PLEKHA5: variants seen among roughly 807,000 people sequenced by gnomAD.
PLEKHA5 encodes the protein pleckstrin homology domain-containing family A member 5.
PLEKHA5 carries 55 observed loss-of-function variants against 181.9 expected under a neutral mutation model. That is an observed-to-expected ratio of 0.30 (90% confidence interval 0.24 to 0.38). PLEKHA5 has a LOEUF of 0.38. PLEKHA5 is among the 10% of genes least tolerant of loss of function. PLEKHA5 has a pLI of 1.00. For missense variants in PLEKHA5, 1,432 were observed against 1,549.5 expected, an observed-to-expected ratio of 0.92 and a Z score of 1.27; for synonymous variants, 535 against 529.4, an observed-to-expected ratio of 1.01 and a Z score of -0.15.
chr12:19,348,385 G>A lies in PLEKHA5; in HGVS notation c.2899-14G>A, dbSNP rs373721588. On this transcript the variant is annotated splice_polypyrimidine_tract_variant and intron_variant, in intron 24 of 31. Coordinates refer to ENST00000429027, the MANE Select transcript of PLEKHA5 (RefSeq NM_001256470.2). ...TAGCAGTTTTTTAGGGTAATTACAT[G>A]TCTTCCTTTCAAGGGTCCAGATTAT... is the stretch of plus-strand genomic sequence containing the variant. 2.6e-6 allele frequency: 4 copies of A among 1,562,096 alleles called. No individual in the cohort carries two copies. The highest frequency in any genetic ancestry group is 3.5e-6 in the Non-Finnish European group (4 of 1,158,628).
At chr12:19,359,897 C>T (rs889311084) in intron 28 of PLEKHA5, among the ~76,000 whole-genome samples, 2 of 150,984 alleles carry the variant, frequency 1.3e-5, no homozygotes, top group Non-Finnish European at 2.9e-5. Flanking sequence ...ATCTGGGAGG[C>T]GGAGCTTGCA....
chr12:19,222,441 G>C (rs2059100237), intron 3 of PLEKHA5, among the ~76,000 whole-genome samples: 2 of 152,086 alleles, frequency 1.3e-5, no homozygotes, highest in African/African-American at 4.8e-5. Flanking sequence ...ATTACAGAGT[G>C]CACTCACACA....
At chr12:19,172,045 A>C (rs1295439755) in intron 3 of PLEKHA5, among the ~76,000 whole-genome samples, 1 of 152,222 alleles carries the variant, frequency 6.6e-6, no homozygotes, top group Non-Finnish European at 1.5e-5. Flanking sequence ...GCTTCTTTTA[A>C]TAAGTAGAAG....
chr12:19,197,153 C>T (rs182238223), intron 3 of PLEKHA5, among the ~76,000 whole-genome samples: 17 of 152,260 alleles, frequency 1.1e-4, no homozygotes, highest in Admixed American at 9.8e-4. Flanking sequence ...CAGCGTTCAG[C>T]ATCGTTGAGC....
At chr12:19,335,180 C>T (rs1592534074) in intron 20 of PLEKHA5, among the ~76,000 whole-genome samples, 1 of 150,110 alleles carries the variant, frequency 6.7e-6, no homozygotes, top group South Asian at 2.1e-4. Flanking sequence ...CACAGGCAAG[C>T]GCCACCGCAC....
chr12:19,347,091 C>A lies in PLEKHA5; in HGVS notation c.2807C>A (p.Ser936Tyr), dbSNP rs770946410. ...CCCCCTCTGCCCAGTGATAGCAGCT[C>A]CTTGCTCTGTTATAGCAGGGGCCCA... ...IIPPLPSDSS[S>Y]LLCYSRGPVH... The change falls in exon 24 of 32, where the codon TCC (serine) becomes TAC (tyrosine). Residue 936 changes from serine to tyrosine, a missense_variant. By Grantham distance (144) the Ser-to-Tyr change is moderately radical. Around this residue, in one of 2 missense-constraint regions of PLEKHA5, gnomAD observed 1,143 missense variants for 1,168.4 expected, o/e 0.98. Coordinates refer to ENST00000429027, the MANE Select transcript of PLEKHA5 (RefSeq NM_001256470.2). 1.3e-6 allele frequency: 2 copies of A among 1,550,894 alleles called. No homozygotes were observed. Among genetic ancestry groups the A allele is most frequent in the Non-Finnish European group, 1.7e-6 (2 of 1,146,320 alleles).
chr12:19,232,349 G>A (rs748046984), intron 3 of PLEKHA5, among the ~76,000 whole-genome samples: 28 of 152,104 alleles, frequency 1.8e-4, no homozygotes, highest in Non-Finnish European at 4.4e-5. Context: ...CCTGAATAAT[G>A]TAAATTAGTG....
intron 23 of PLEKHA5, among the ~76,000 whole-genome samples, chr12:19,346,751 AG>A (rs2094353185): frequency 1.3e-5 from 2 of 152,214 alleles, no homozygotes; most frequent in Admixed American, 1.3e-4. Flanking sequence ...TTCAATGTTG[AG>A]TTTCAGTGTG....
chr12:19,375,285 C>G (rs1292178525), intron 31 of PLEKHA5, among the ~76,000 whole-genome samples: 1 of 152,058 alleles, frequency 6.6e-6, no homozygotes, highest in Admixed American at 6.6e-5. Context: ...GATCATACCA[C>G]TGCACCCCAG....
At chr12:19,183,700 A>AGAT (rs2049140138) in intron 3 of PLEKHA5, among the ~76,000 whole-genome samples, 3 of 139,002 alleles carry the variant, frequency 2.2e-5, no homozygotes, top group Non-Finnish European at 3.2e-5. Context: ...ACAAGGGAAA[A>AGAT]TTTTTTTATT....
At chr12:19,179,175 A>G (rs949735507) in intron 3 of PLEKHA5, among the ~76,000 whole-genome samples, 3 of 152,218 alleles carry the variant, frequency 2.0e-5, no homozygotes, top group African/African-American at 7.2e-5. Flanking sequence ...TTATATAACA[A>G]TTGTTTAATG....
intron 15 of PLEKHA5, chr12:19,306,656 TG>T: frequency 7.1e-7 from 1 of 1,406,378 alleles, no homozygotes. Flanking sequence ...AATAGGTGAC[TG>T]ATCTCCCCGG....
Position 19,272,564 on chromosome 12 carries a change from C to T in PLEKHA5, c.846-1952C>T, listed in dbSNP as rs540231308. ...GACCAACCTAGGTGACCAGTGAGAC[C>T]CCGTCTCTAAAAAAATTTAAAAATT... On this transcript the variant is annotated intron_variant, in intron 10 of 31. Coordinates refer to ENST00000429027, the MANE Select transcript of PLEKHA5 (RefSeq NM_001256470.2). Among the ~76,000 whole-genome samples the T allele has an allele frequency of 2.0e-5, 3 of 151,960 alleles. 1 individual carries two copies. The highest frequency in any genetic ancestry group is 7.2e-5 in the African/African-American group (3 of 41,448).
Position 19,358,373 on chromosome 12 carries a change from C to T in PLEKHA5, c.3284C>T (p.Ala1095Val). 6.2e-7 allele frequency: 1 copy of T among 1,613,796 alleles called. No individual in the cohort carries two copies. Among genetic ancestry groups the T allele is most frequent in the East Asian group, 2.2e-5 (1 of 44,860 alleles). The change falls in exon 27 of 32, where the codon GCT becomes GTT. Residue 1095 changes from alanine (A) to valine (V), a missense_variant. Ala to Val is a moderately conservative substitution (Grantham distance 64). This residue lies in a region of PLEKHA5 where 1,143 missense variants were observed against 1,168.4 expected (regional missense o/e 0.98). Transcript: ENST00000429027. Reference protein sequence around the residue: ...EKKKGLNVIGASDQSPLQSPS... With the variant: ...EKKKGLNVIGVSDQSPLQSPS... ...AAAAAAGGGTTAAATGTTATCGGTG[C>T]TTCAGACCAGTCACCCTTACAAAGC...
At chr12:19,175,560 G>T (rs1042926805) in intron 3 of PLEKHA5, among the ~76,000 whole-genome samples, 2 of 152,160 alleles carry the variant, frequency 1.3e-5, no homozygotes, top group Admixed American at 6.5e-5. Context: ...AAAAGAAAAT[G>T]TTAGCAATAA....
At chr12:19,229,300 A>G (rs914297531) in intron 3 of PLEKHA5, among the ~76,000 whole-genome samples, 5 of 152,134 alleles carry the variant, frequency 3.3e-5, no homozygotes, top group African/African-American at 1.2e-4. Flanking sequence ...GGTGTCACTG[A>G]CTTCAAGAAT....
intron 3 of PLEKHA5, among the ~76,000 whole-genome samples, chr12:19,244,217 C>G (rs2063211013): frequency 6.6e-6 from 1 of 151,200 alleles, no homozygotes; most frequent in South Asian, 2.1e-4. Context: ...TTGATGAAAT[C>G]TCTTCAATTT....
intron 3 of PLEKHA5, among the ~76,000 whole-genome samples, chr12:19,218,965 T>G (rs1195720171): frequency 1.3e-5 from 2 of 150,860 alleles, no homozygotes; most frequent in African/African-American, 2.4e-5. Context: ...TATTATACTC[T>G]AAGTTTTAGG....
chr12:19,168,675 C>T lies in PLEKHA5; in HGVS notation c.227+36225C>T, dbSNP rs74875560. ...TGTGCACATTCTGATTTTCATAATG[C>T]TTTACTACAAATAATAACAGCAATA... is the stretch of plus-strand genomic sequence containing the variant. On this transcript the variant is annotated intron_variant, in intron 3 of 31. Transcript: ENST00000429027. Among the ~76,000 whole-genome samples, 269 of 152,202 alleles carry T rather than the reference C, an allele frequency of 1.8e-3. 4 individuals are homozygous for T. The East Asian group carries it at 0.028, about 16-fold the overall frequency.
Sources: allele counts gnomAD v4.1 joint callset (sites outside exome capture counted in the v4.1 genomes callset), GRCh38; gene constraint gnomAD v4.1.1; regional missense constraint gnomAD v4.1.1; transcripts MANE v1.5; gene names NCBI Gene and HGNC (gene_info 2026-07-23, HGNC 2026-07-21).